CSMD1: variants seen among roughly 807,000 people sequenced by gnomAD.
CSMD1 encodes CUB and Sushi multiple domains 1.
A neutral mutation model predicts 417.5 loss-of-function variants in CSMD1; 213 were observed. The ratio of observed to expected loss-of-function variants is 0.51; its 90% CI spans 0.46 to 0.57. The LOEUF is 0.57. CSMD1 is among the 20% of genes least tolerant of loss of function. The probability of loss-of-function intolerance (pLI) is 0.00; values close to 1 mark genes in which losing one functional copy is unlikely to be tolerated. For missense variants in CSMD1, 6,923 were observed against 4,529.7 expected (o/e 1.53, Z -15.17); for synonymous variants, 2,862 against 1,736.8 (o/e 1.65, Z -16.11).
chr8:3,430,131 A>G (rs182269015), intron 12 of CSMD1, among the ~76,000 whole-genome samples: 1 of 152,208 alleles, frequency 6.6e-6, no homozygotes, highest in Non-Finnish European at 1.5e-5. Flanking sequence ...ACACATACAT[A>G]TACATACAAA....
chr8:3,713,376 A>G (rs780653671), intron 6 of CSMD1, among the ~76,000 whole-genome samples: 2 of 152,132 alleles, frequency 1.3e-5, no homozygotes, highest in African/African-American at 4.8e-5. Flanking sequence ...GCAATAATGT[A>G]AGAAGTGAAT....
At chr8:3,430,793 C>T (rs1236456472) in intron 12 of CSMD1, among the ~76,000 whole-genome samples, 3 of 152,150 alleles carry the variant, frequency 2.0e-5, no homozygotes, top group Non-Finnish European at 2.9e-5. Flanking sequence ...GGTAACAGAA[C>T]GAGACTCCAT....
At chr8:3,949,967 C>A (rs765878003) in intron 5 of CSMD1, 18 of 455,902 alleles carry the variant, frequency 3.9e-5, no homozygotes, top group East Asian at 7.0e-5. Flanking sequence ...AGCAGAGCGA[C>A]GTGTCTCCAG....
At chr8:4,964,046 T>G (rs1416321771) in intron 1 of CSMD1, among the ~76,000 whole-genome samples, 1 of 152,212 alleles carries the variant, frequency 6.6e-6, no homozygotes. Flanking sequence ...TCTTGATAGC[T>G]GGGTGAATCT....
At chr8:4,225,317 C>T (rs1037841391) in intron 3 of CSMD1, among the ~76,000 whole-genome samples, 1 of 151,930 alleles carries the variant, frequency 6.6e-6, no homozygotes, top group African/African-American at 2.4e-5. Context: ...TCTGAATCAT[C>T]GAGACTTGAT....
At chr8:4,900,676 A>C (rs4875124) in intron 1 of CSMD1, among the ~76,000 whole-genome samples, 133,521 of 152,236 alleles carry the variant, frequency 0.88, 58,655 homozygotes, top group East Asian at 1. Context: ...GTCCAAGGAG[A>C]TTTGCAAATG....
At chr8:4,052,191 C>A (rs1798468152) in intron 3 of CSMD1, among the ~76,000 whole-genome samples, 1 of 152,122 alleles carries the variant, frequency 6.6e-6, no homozygotes, top group South Asian at 2.1e-4. Context: ...TCCGAAAGTG[C>A]TGGGGTTACA....
At chr8:4,643,126 G>C (rs533135261) in intron 1 of CSMD1, among the ~76,000 whole-genome samples, 1 of 152,182 alleles carries the variant, frequency 6.6e-6, no homozygotes, top group Non-Finnish European at 1.5e-5. Context: ...TGAACAGTAT[G>C]TCTCATTGGA....
chr8:3,475,941 G>C (rs763967197), intron 11 of CSMD1, among the ~76,000 whole-genome samples: 5 of 152,160 alleles, frequency 3.3e-5, no homozygotes, highest in African/African-American at 9.7e-5. Flanking sequence ...TGATGTTTTG[G>C]TTACTTGTCA....
At chr8:3,708,713 G>A (rs2291212) in intron 6 of CSMD1, among the ~76,000 whole-genome samples, 44,581 of 151,906 alleles carry the variant, frequency 0.29, 7,077 homozygotes, top group East Asian at 0.48. Flanking sequence ...CATCAGTGTC[G>A]GAAGCTAAAA....
At chr8:3,648,454 C>T (rs1250352071) in intron 7 of CSMD1, among the ~76,000 whole-genome samples, 2 of 152,216 alleles carry the variant, frequency 1.3e-5, no homozygotes, top group African/African-American at 2.4e-5. Flanking sequence ...GGAGTACCTA[C>T]ATTTTCAGGG....
chr8:4,200,898 C>T (rs149384736), intron 3 of CSMD1, among the ~76,000 whole-genome samples: 12 of 152,206 alleles, frequency 7.9e-5, no homozygotes, highest in African/African-American at 2.2e-4. Flanking sequence ...CTTTAAGAAA[C>T]GCTAAGCTAG....
At chr8:4,829,303 A>C (rs1156546816) in intron 1 of CSMD1, among the ~76,000 whole-genome samples, 1 of 152,176 alleles carries the variant, frequency 6.6e-6, no homozygotes, top group African/African-American at 2.4e-5. Context: ...TTATCCCATC[A>C]AACCATTATA....
rs576600767 is a variant in CSMD1, at chr8:4,384,512, T to C, written c.415+35441A>G. On this transcript the variant is annotated intron_variant, in intron 3 of 69. Transcript: ENST00000635120. ...TTTGTTGATCAAATAGTTGATACTG[T>C]GACAAATACTTTATTCAATACTTTA... Among the ~76,000 whole-genome samples the C allele has an allele frequency of 6.6e-5, 10 of 152,388 alleles. No individual in the cohort carries two copies. In the East Asian group the frequency reaches 1.9e-3, roughly 29 times the overall value.
chr8:4,259,043 T>C (rs1487793850), intron 3 of CSMD1, among the ~76,000 whole-genome samples: 2 of 152,182 alleles, frequency 1.3e-5, no homozygotes, highest in East Asian at 1.9e-4. Context: ...AAGGAAAAAT[T>C]GTGCAAAGAC....
At chr8:3,299,758 A>G (rs1804248560) in intron 25 of CSMD1, among the ~76,000 whole-genome samples, 1 of 152,192 alleles carries the variant, frequency 6.6e-6, no homozygotes, top group South Asian at 2.1e-4. Context: ...AAAAAAGTCA[A>G]CATAGGAAAG....
chr8:4,432,056 C>G (rs1248728275), intron 2 of CSMD1, among the ~76,000 whole-genome samples: 1 of 152,036 alleles, frequency 6.6e-6, no homozygotes, highest in Non-Finnish European at 1.5e-5. Flanking sequence ...GTAGTGCTCA[C>G]AGACTAAAAC....
chr8:4,515,096 G>A (rs1229696343), intron 2 of CSMD1, among the ~76,000 whole-genome samples: 2 of 152,136 alleles, frequency 1.3e-5, no homozygotes, highest in African/African-American at 4.8e-5. Flanking sequence ...TTCTTTGTAC[G>A]ATTTACAGCA....
At chr8:3,602,583 A>G (rs894240134) in intron 8 of CSMD1, among the ~76,000 whole-genome samples, 1 of 152,148 alleles carries the variant, frequency 6.6e-6, no homozygotes, top group Non-Finnish European at 1.5e-5. Context: ...CAGAGCCATG[A>G]AATTTTTGCA....
Sources: gnomAD v4.1 joint callset for allele counts (sites outside exome capture counted in the v4.1 genomes callset) on GRCh38, gnomAD v4.1.1 for gene constraint, MANE v1.5 for transcripts, NCBI Gene and HGNC (gene_info 2026-07-23, HGNC 2026-07-21) for gene names.